CAMSAP2: variants seen among roughly 807,000 people sequenced by gnomAD.
CAMSAP2 encodes calmodulin regulated spectrin associated protein family member 2.
In CAMSAP2, 26 loss-of-function variants were observed where a neutral mutation model predicts 146.1. That is an observed-to-expected ratio of 0.18 (90% confidence interval 0.13 to 0.25). CAMSAP2 has a LOEUF of 0.25. CAMSAP2 is among the 10% of genes least tolerant of loss of function. The pLI is 1.00. For synonymous variants in CAMSAP2, 499 were observed against 596.6 expected (o/e 0.84, Z 2.38); for missense variants, 1,381 against 1,759.3 (o/e 0.78, Z 3.85).
intron 4 of CAMSAP2, among the ~76,000 whole-genome samples, chr1:200,818,780 C>T (rs1246204608): frequency 6.6e-6 from 1 of 152,142 alleles, no homozygotes; most frequent in Non-Finnish European, 1.5e-5. Context: ...AAAATTCATG[C>T]TCCTTTTCTT....
intron 6 of CAMSAP2, among the ~76,000 whole-genome samples, chr1:200,834,023 AAT>A (rs1667112086): frequency 6.6e-6 from 1 of 152,188 alleles, no homozygotes; most frequent in Non-Finnish European, 1.5e-5. Context: ...TTATTTTCTT[AAT>A]TTTAAGTTGA....
intron 3 of CAMSAP2, among the ~76,000 whole-genome samples, chr1:200,811,522 T>G (rs1045601509): frequency 1.3e-5 from 2 of 152,314 alleles, no homozygotes; most frequent in African/African-American, 2.4e-5. Flanking sequence ...AACATGGATT[T>G]CACTCAGTGT....
rs1667340218 is a variant in CAMSAP2 at position 200,842,185 on chromosome 1, A to T, written c.1021+98A>T. ...TTACATTTTTAGAAATCAGCCTATT[A>T]TTTTTTTTTTAGATTTCAGCTATTA... On this transcript the variant is annotated intron_variant, in intron 7 of 16. Coordinates refer to ENST00000358823, the MANE Select transcript of CAMSAP2 (RefSeq NM_203459.4). 6.5e-6 allele frequency: 5 copies of T among 767,530 alleles called. No individual in the cohort carries two copies. In the South Asian group the frequency reaches 7.4e-5, roughly 11 times the overall value. 47.5% of individuals were successfully genotyped at this position (767,530 alleles called of 1,614,324 possible).
intron 4 of CAMSAP2, among the ~76,000 whole-genome samples, chr1:200,827,439 G>A (rs1263360415): frequency 1.3e-5 from 2 of 152,100 alleles, no homozygotes; most frequent in African/African-American, 4.8e-5. Flanking sequence ...CGTTTTCAGT[G>A]GCTTCCTGCT....
chr1:200,773,393 A>G (rs986336907), intron 2 of CAMSAP2, among the ~76,000 whole-genome samples: 1 of 152,028 alleles, frequency 6.6e-6, no homozygotes, highest in South Asian at 2.1e-4. Context: ...AGCTGGGACT[A>G]CAAGTGCACA....
rs763536242 is a variant in CAMSAP2 at position 200,832,345 on chromosome 1, A to G, written c.787+4A>G. The G allele has an allele frequency of 6.2e-7, 1 of 1,608,002 alleles. No individual in the cohort carries two copies. Among genetic ancestry groups the G allele is most frequent in the Non-Finnish European group, 8.5e-7 (1 of 1,177,854 alleles). On this transcript the variant is annotated splice_donor_region_variant and intron_variant, in intron 5 of 16. Transcript: ENST00000358823. The surrounding 1 kb of genome is among the most constrained non-coding windows in gnomAD (Gnocchi z 4.2). ...CCTGATGTTGTCAGATTAGAGGGTA[A>G]GTGTTCCATTGTAATACTTCTGAAC...
At chr1:200,823,023 A>C (rs964505865) in intron 4 of CAMSAP2, among the ~76,000 whole-genome samples, 6 of 152,176 alleles carry the variant, frequency 3.9e-5, no homozygotes, top group Admixed American at 1.3e-4. Flanking sequence ...TTACTCTACC[A>C]CTGTAAATAG....
chr1:200,798,746 A>C (rs199622329), intron 2 of CAMSAP2, among the ~76,000 whole-genome samples: 9,519 of 139,738 alleles, frequency 0.068, 491 homozygotes, highest in East Asian at 0.3. Flanking sequence ...GTCTTGTGCC[A>C]GTTTTCAAAG....
chr1:200,782,959 T>C (rs986843499), intron 2 of CAMSAP2, among the ~76,000 whole-genome samples: 69 of 151,624 alleles, frequency 4.6e-4, no homozygotes, highest in Non-Finnish European at 7.8e-4. Flanking sequence ...AGACATAGGG[T>C]TTCACTGTGT....
intron 1 of CAMSAP2, among the ~76,000 whole-genome samples, chr1:200,742,636 A>C (rs1385986744): frequency 6.6e-6 from 1 of 152,166 alleles, no homozygotes; most frequent in Non-Finnish European, 1.5e-5. Flanking sequence ...TTAGTTGTTC[A>C]AAAAATCAGC....
intron 4 of CAMSAP2, among the ~76,000 whole-genome samples, chr1:200,829,388 T>C (rs1666985910): frequency 6.6e-6 from 1 of 152,128 alleles, no homozygotes; most frequent in Non-Finnish European, 1.5e-5. Context: ...CCCCCATCTC[T>C]ATTTTTAAAA....
At chr1:200,803,981 C>T (rs1256041740) in intron 2 of CAMSAP2, among the ~76,000 whole-genome samples, 1 of 151,442 alleles carries the variant, frequency 6.6e-6, no homozygotes, top group Non-Finnish European at 1.5e-5. Flanking sequence ...GGCTGGAGTG[C>T]AGTGGTGCGA....
intron 2 of CAMSAP2, among the ~76,000 whole-genome samples, chr1:200,786,422 C>A (rs144821864): frequency 7.4e-5 from 11 of 149,448 alleles, no homozygotes; most frequent in African/African-American, 2.7e-4. Flanking sequence ...CTTGCTCTGT[C>A]GCCCAGGCTG....
chr1:200,833,030 C>CA (rs1368802517), intron 6 of CAMSAP2, among the ~76,000 whole-genome samples, 185 bp downstream of exon 6: 2 of 150,734 alleles, frequency 1.3e-5, no homozygotes, highest in Non-Finnish European at 3.0e-5. Context: ...CACTGCACTC[C>CA]AGCCTGGGCA....
In CAMSAP2 at chr1:200,853,138, A is replaced by G. The variant is rs1227056132; in HGVS notation, c.3603-137A>G. ...ATCCCATGTCTCAGCAGAATCGTCAAGTACCTTTTAAATGAACCATTTATT... is the reference window on the plus strand; with the variant it reads ...ATCCCATGTCTCAGCAGAATCGTCAGGTACCTTTTAAATGAACCATTTATT... On this transcript the variant is annotated intron_variant, in intron 12 of 16. Transcript: ENST00000358823. The surrounding 1 kb of genome is among the most constrained non-coding windows in gnomAD (Gnocchi z 5.1). The G allele has an allele frequency of 1.9e-5, 14 of 739,934 alleles. No individual in the cohort carries two copies. Among genetic ancestry groups the G allele is most frequent in the South Asian group, 7.5e-5 (4 of 53,010 alleles). 45.8% of individuals were successfully genotyped at this position (739,934 alleles called of 1,614,324 possible).
intron 4 of CAMSAP2, among the ~76,000 whole-genome samples, chr1:200,825,512 T>C (rs981219730): frequency 1.1e-4 from 16 of 150,408 alleles, no homozygotes; most frequent in Non-Finnish European, 2.2e-4. Flanking sequence ...TTTCTTCCTT[T>C]TTTTTTTTTT....
chr1:200,800,060 C>T (rs557065473), intron 2 of CAMSAP2, among the ~76,000 whole-genome samples: 104 of 152,254 alleles, frequency 6.8e-4, no homozygotes, highest in Middle Eastern at 6.8e-3. Context: ...CATTCTTTTG[C>T]ATTTGCTGAG....
intron 1 of CAMSAP2, among the ~76,000 whole-genome samples, chr1:200,748,758 ATTTTTT>A (rs535780256): frequency 1.9e-3 from 243 of 128,712 alleles, no homozygotes; most frequent in African/African-American, 6.2e-3. Flanking sequence ...TTCAGGTTTG[ATTTTTT>A]TTTTTTTTTG....
chr1:200,804,791 T>C (rs973839633), intron 2 of CAMSAP2, among the ~76,000 whole-genome samples: 21 of 152,198 alleles, frequency 1.4e-4, no homozygotes, highest in Non-Finnish European at 3.1e-4. Flanking sequence ...TTAGAGGAGA[T>C]TGAATATGAA....
Sources: gnomAD v4.1 joint callset for allele counts (sites outside exome capture counted in the v4.1 genomes callset) on GRCh38, gnomAD v4.1.1 for gene constraint, Gnocchi (gnomAD v3.1) non-coding constraint, MANE v1.5 for transcripts, NCBI Gene and HGNC (gene_info 2026-07-23, HGNC 2026-07-21) for gene names.